The following RNF17 variants were observed in gnomAD, a reference collection of about 807,000 sequenced individuals.
The protein encoded by RNF17 is ring finger protein 17.
Under a neutral mutation model 200.5 loss-of-function variants are expected in RNF17, and 31 were observed. The observed-to-expected ratio is 0.15, with a 90% confidence interval of 0.12 to 0.21. The LOEUF is 0.21. RNF17 is among the 10% of genes least tolerant of loss of function. RNF17 has a pLI of 1.00. For synonymous variants in RNF17, 606 were observed against 637.8 expected (o/e 0.95, Z 0.75); for missense variants, 1,628 against 1,905.1 (o/e 0.85, Z 2.71).
chr13:24,884,974 CTG>C, the RNF17 span, among the ~76,000 whole-genome samples: 4 of 152,192 alleles, frequency 2.6e-5, no homozygotes, highest in African/African-American at 7.2e-5. Context: ...AAGAATAAAA[CTG>C]TGCTAGCTGG....
chr13:24,851,519 G>C lies in RNF17; in HGVS notation c.3268G>C (p.Val1090Leu). ...IFCRDEKGERVDVSKYLIKKG... is the reference protein window; with the variant it reads ...IFCRDEKGERLDVSKYLIKKG... ...CTGCAGAGATGAAAAAGGAGAGCGT[G>C]TTGATGTTTCTAAATATTTGATTAA... The change falls in exon 24 of 36, where the codon GTT (valine) becomes CTT (leucine). Residue 1090 changes from valine to leucine, a missense_variant. Coordinates refer to ENST00000255324, the MANE Select transcript of RNF17 (RefSeq NM_031277.3). 1.9e-6 allele frequency: 3 copies of C among 1,613,774 alleles called. No homozygotes were observed. The highest frequency in any genetic ancestry group is 2.5e-6 in the Non-Finnish European group (3 of 1,179,918).
chr13:24,816,155 C>G (rs578124052), intron 15 of RNF17, among the ~76,000 whole-genome samples: 1 of 152,272 alleles, frequency 6.6e-6, no homozygotes, highest in East Asian at 1.9e-4. Flanking sequence ...TCACCTTACC[C>G]TCCCAAAGTG....
At chr13:24,870,941 T>C (rs1894186233) in intron 32 of RNF17, among the ~76,000 whole-genome samples, 2 of 152,250 alleles carry the variant, frequency 1.3e-5, no homozygotes, top group Admixed American at 1.3e-4. Context: ...TAAGAGACGC[T>C]AAGTAAACTC....
At chr13:24,830,720 A>G in intron 17 of RNF17, 121 bp downstream of exon 17, 1 of 702,534 alleles carries the variant, frequency 1.4e-6, no homozygotes, top group Non-Finnish European at 2.5e-6. Context: ...TGATACAGGG[A>G]CTATAGATAA....
At chr13:24,861,187 T>C in intron 26 of RNF17, 81 bp from the exon 27 acceptor site, 1 of 1,253,208 alleles carries the variant, frequency 8.0e-7, no homozygotes, top group Non-Finnish European at 1.1e-6. Context: ...CCTGTCTTTT[T>C]TTCTAATAAC....
intron 29 of RNF17, among the ~76,000 whole-genome samples, chr13:24,865,813 G>A (rs555950788): frequency 9.2e-5 from 14 of 152,088 alleles, no homozygotes; most frequent in East Asian, 1.9e-4. Flanking sequence ...AAGAAGTTAC[G>A]TCTGTTATTA....
chr13:24,796,268 C>G lies in RNF17; in HGVS notation c.1372C>G (p.Leu458Val). The G allele has an allele frequency of 6.2e-7, 1 of 1,604,802 alleles. No homozygotes were observed. The highest frequency in any genetic ancestry group is 8.5e-7 in the Non-Finnish European group (1 of 1,175,568). ...VNEFCNRSSHLDPSDILELGA... is the reference protein window; with the variant it reads ...VNEFCNRSSHVDPSDILELGA... ...TGAATTTTGCAATAGGAGTTCACAC[C>G]TTGATCCTTCAGACATTTTGGAACT... The change falls in exon 11 of 36, where the codon CTT becomes GTT. Residue 458 changes from leucine to valine, a missense_variant. Physicochemically the swap from Leu to Val is conservative, Grantham distance 32 (BLOSUM62 1). Around this residue, in one of 5 missense-constraint regions of RNF17, gnomAD observed 289 missense variants for 384.9 expected, o/e 0.75. Coordinates refer to ENST00000255324, the MANE Select transcript of RNF17 (RefSeq NM_031277.3).
chr13:24,804,411 A>T lies in RNF17; in HGVS notation c.2073A>T (p.Gly691=). Residue 691 remains glycine (G), a synonymous_variant, in exon 15 of 36, where the codon GGA becomes GGT. Coordinates refer to ENST00000255324, the MANE Select transcript of RNF17 (RefSeq NM_031277.3). ...SVTVCHINSP[G]DFYLQLIEGL... is the part of the protein sequence containing the mutation. ...CGGTTTGTCATATAAATAGTCCTGG[A>T]GATTTCTATCTTCAGTTGGTAAGTA... 1 of 1,611,404 alleles carries T rather than the reference A, an allele frequency of 6.2e-7. No individual in the cohort carries two copies. The highest frequency in any genetic ancestry group is 8.5e-7 in the Non-Finnish European group (1 of 1,178,534).
chr13:24,797,705 A>AGTTTGTGTGTCTGTCTGTGTGTGT (rs59493601), intron 11 of RNF17, among the ~76,000 whole-genome samples: 5 of 119,048 alleles, frequency 4.2e-5, no homozygotes, highest in Non-Finnish European at 3.5e-5. Flanking sequence ...AGAGACAAAG[A>AGTTTGTGTGTCTGTCTGTGTGTGT]GTGTGTGTGT....
intron 7 of RNF17, among the ~76,000 whole-genome samples, chr13:24,788,531 A>C (rs955283940): frequency 6.6e-6 from 1 of 152,096 alleles, no homozygotes; most frequent in Admixed American, 6.6e-5. Flanking sequence ...ATAGGACTCT[A>C]TTTTGTTCAC....
At chr13:24,876,355 G>A (rs184490238) in intron 33 of RNF17, among the ~76,000 whole-genome samples, 2 of 152,110 alleles carry the variant, frequency 1.3e-5, no homozygotes, top group African/African-American at 2.4e-5. Flanking sequence ...GTTGCTCCCC[G>A]CTTTTGGGTC....
At chr13:24,858,172 T>C (rs892935527) in intron 25 of RNF17, among the ~76,000 whole-genome samples, 6 of 152,190 alleles carry the variant, frequency 3.9e-5, no homozygotes, top group African/African-American at 1.4e-4. Context: ...GAAATTTTTC[T>C]CTCATTTGTT....
At chr13:24,840,680 T>A (rs1448093683) in intron 18 of RNF17, among the ~76,000 whole-genome samples, 6 of 151,388 alleles carry the variant, frequency 4.0e-5, no homozygotes, top group African/African-American at 1.5e-4. Flanking sequence ...ATGTTCTCAC[T>A]GATATGTGGG....
chr13:24,830,719 G>A (rs1889291531), intron 17 of RNF17, 120 bp downstream of exon 17: 5 of 706,054 alleles, frequency 7.1e-6, no homozygotes, highest in Non-Finnish European at 1.2e-5. Flanking sequence ...CTGATACAGG[G>A]ACTATAGATA....
intron 16 of RNF17, among the ~76,000 whole-genome samples, chr13:24,829,513 C>G (rs1386558480): frequency 2.0e-5 from 3 of 152,144 alleles, no homozygotes; most frequent in Non-Finnish European, 4.4e-5. Context: ...GAGGTTCCCC[C>G]ATCTTTTGGC....
At chr13:24,809,597 G>A (rs1355723054) in intron 15 of RNF17, among the ~76,000 whole-genome samples, 1 of 151,812 alleles carries the variant, frequency 6.6e-6, no homozygotes, top group Non-Finnish European at 1.5e-5. Flanking sequence ...ACCAGCTCCT[G>A]GATTCATTAA....
chr13:24,878,636 G>A (rs1895112112), intron 34 of RNF17, among the ~76,000 whole-genome samples: 1 of 152,170 alleles, frequency 6.6e-6, no homozygotes, highest in Non-Finnish European at 1.5e-5. Context: ...ATGTCTGAGG[G>A]CAAGAGGAGA....
At chr13:24,864,321 CAG>C (rs936818955) in intron 28 of RNF17, among the ~76,000 whole-genome samples, 6 of 152,204 alleles carry the variant, frequency 3.9e-5, no homozygotes, top group African/African-American at 1.4e-4. Flanking sequence ...AGCAGTAAAA[CAG>C]TGAGGAGCAG....
At chr13:24,799,680 T>G in intron 12 of RNF17, 96 bp downstream of exon 12, 10 of 700,852 alleles carry the variant, frequency 1.4e-5, no homozygotes, top group Non-Finnish European at 2.1e-5. Flanking sequence ...TAGAGAGGAG[T>G]AATTTGTCAT....
Sources: gnomAD v4.1 joint callset for allele counts (sites outside exome capture counted in the v4.1 genomes callset) on GRCh38, gnomAD v4.1.1 for gene constraint, gnomAD v4.1.1 regional missense constraint, MANE v1.5 for transcripts, NCBI Gene and HGNC (gene_info 2026-07-23, HGNC 2026-07-21) for gene names.